Variants in IQGAP3 observed in about 807,000 individuals in gnomAD.
The protein encoded by IQGAP3 is ras GTPase-activating-like protein IQGAP3.
In IQGAP3, 165 loss-of-function variants were observed where a neutral mutation model predicts 208.2. The ratio of observed to expected loss-of-function variants is 0.79; its 90% CI spans 0.70 to 0.90. IQGAP3 has a LOEUF of 0.90. IQGAP3 is among the 40% of genes least tolerant of loss of function. IQGAP3 has a pLI of 0.00. For missense variants in IQGAP3, 1,811 were observed against 2,043.1 expected (o/e 0.89, Z 2.19); for synonymous variants, 703 against 803.6 (o/e 0.87, Z 2.12).
chr1:156,528,178 T>G, intron 36 of IQGAP3, 118 bp from the exon 37 acceptor site: 1 of 754,482 alleles, frequency 1.3e-6, no homozygotes. Context: ...CAGTTTTCCC[T>G]CTGTCACTCC....
rs748176668 is a variant in IQGAP3 at position 156,527,926 on chromosome 1, G to A, written c.4782+26C>T. On this transcript the variant is annotated intron_variant, in intron 37 of 37. Coordinates refer to ENST00000361170, the MANE Select transcript of IQGAP3 (RefSeq NM_178229.5). ...GCACCTAAAGCCCAGCAGATGTCCTGCAGGCTCATGGGACTGTCCCCTCAC... is the reference window on the plus strand; with the variant it reads ...GCACCTAAAGCCCAGCAGATGTCCTACAGGCTCATGGGACTGTCCCCTCAC... 3.3e-6 allele frequency: 5 copies of A among 1,514,160 alleles called. No homozygotes were observed. The South Asian group carries it at 4.5e-5, about 14-fold the overall frequency. 93.8% of individuals were successfully genotyped at this position (1,514,160 alleles called of 1,614,324 possible).
chr1:156,527,110 C>T (rs911930437), intron 37 of IQGAP3, among the ~76,000 whole-genome samples: 9 of 151,368 alleles, frequency 5.9e-5, no homozygotes, highest in Non-Finnish European at 1.2e-4. Context: ...GGATTACAGG[C>T]GTGAGCCACT....
At chr1:156,532,896 A>C in intron 32 of IQGAP3, 84 bp downstream of exon 32, 2 of 1,458,810 alleles carry the variant, frequency 1.4e-6, no homozygotes, top group Non-Finnish European at 1.9e-6. Flanking sequence ...AGAAGGTGGA[A>C]TGGGCGCCTC....
chr1:156,541,398 G>A (rs1011753341), intron 22 of IQGAP3, among the ~76,000 whole-genome samples: 6 of 152,080 alleles, frequency 3.9e-5, no homozygotes, highest in Non-Finnish European at 7.3e-5. Context: ...CAGGTAGACG[G>A]GATGGACAGT....
chr1:156,547,944 T>A (rs1675341276), intron 19 of IQGAP3, 129 bp downstream of exon 19: 4 of 824,730 alleles, frequency 4.9e-6, no homozygotes, highest in African/African-American at 1.7e-5. Context: ...CTCCAGAACC[T>A]ATGCTTTTAA....
At chr1:156,565,064 C>T (rs1202365980) in intron 4 of IQGAP3, among the ~76,000 whole-genome samples, 1 of 152,188 alleles carries the variant, frequency 6.6e-6, no homozygotes, top group Non-Finnish European at 1.5e-5. Flanking sequence ...GCCTGCATGC[C>T]TCACCTTAGA....
At chr1:156,549,470 CA>C (rs11317404) in intron 16 of IQGAP3, among the ~76,000 whole-genome samples, 28,021 of 79,914 alleles carry the variant, frequency 0.35, 2,587 homozygotes, top group East Asian at 0.57. Flanking sequence ...CACTCTGTCT[CA>C]AAAAAAAAAA....
chr1:156,537,979 C>T (rs1674781624), intron 26 of IQGAP3, among the ~76,000 whole-genome samples: 3 of 151,574 alleles, frequency 2.0e-5, no homozygotes, highest in Admixed American at 2.0e-4. Context: ...CTCACCGCAA[C>T]CTCCCAGGTT....
intron 2 of IQGAP3, 57 bp downstream of exon 2, chr1:156,569,319 G>T: frequency 8.8e-7 from 1 of 1,135,190 alleles, no homozygotes; most frequent in Non-Finnish European, 1.3e-6. Context: ...CAGATGCCTA[G>T]GGTGGGGTGG....
chr1:156,555,268 C>T (rs993430067), intron 12 of IQGAP3, among the ~76,000 whole-genome samples: 3 of 152,112 alleles, frequency 2.0e-5, no homozygotes, highest in South Asian at 4.1e-4. Context: ...GATAGAGTCT[C>T]ACTCTGTGGC....
intron 1 of IQGAP3, among the ~76,000 whole-genome samples, chr1:156,570,320 C>T (rs543023520): frequency 2.6e-5 from 4 of 152,268 alleles, no homozygotes; most frequent in East Asian, 3.9e-4. Flanking sequence ...GTAGGTGGAT[C>T]GCTTGAGCCC....
chr1:156,548,630 G>C lies in IQGAP3; in HGVS notation c.1944C>G (p.Asn648Lys). The change falls in exon 17 of 38, where the codon AAC (asparagine) becomes AAG (lysine). Residue 648 changes from asparagine (N) to lysine (K), a missense_variant. Physicochemically the swap from Asn to Lys is moderately conservative, Grantham distance 94. Coordinates refer to ENST00000361170, the MANE Select transcript of IQGAP3 (RefSeq NM_178229.5). ...ALRGVVPDCA[N>K]GYQRALESAM... ...CACTTTCCAGGGCTCGCTGGTAGCCGTTGGCACAGTCGGGAACTACCCCTC... is the reference window on the plus strand; with the variant it reads ...CACTTTCCAGGGCTCGCTGGTAGCCCTTGGCACAGTCGGGAACTACCCCTC... 6.2e-7 allele frequency: 1 copy of C among 1,611,066 alleles called. No homozygotes were observed. The highest frequency in any genetic ancestry group is 8.5e-7 in the Non-Finnish European group (1 of 1,178,048).
rs149238952 is a variant in IQGAP3 at position 156,566,508 on chromosome 1, G to A, written c.164C>T (p.Pro55Leu). 275 of 1,614,052 alleles carry A rather than the reference G, an allele frequency of 1.7e-4. 1 individual carries two copies. The East Asian group carries it at 3.9e-3, about 23-fold the overall frequency. ...EACLKEELPS[P>L]VELEESLRNG... ...CCGAAGGCTCTCCTCCAGCTCCACCGGGGAAGGAAGCTCCTCCTTCAGGCA... is the reference window on the plus strand; with the variant it reads ...CCGAAGGCTCTCCTCCAGCTCCACCAGGGAAGGAAGCTCCTCCTTCAGGCA... Residue 55 changes from proline to leucine, a missense_variant, in exon 3 of 38, where the codon CCG (proline) becomes CTG (leucine). Transcript: ENST00000361170.
intron 37 of IQGAP3, 36 bp from the exon 38 acceptor site, chr1:156,526,635 C>G: frequency 7.0e-7 from 1 of 1,432,496 alleles, no homozygotes; most frequent in Non-Finnish European, 9.8e-7. Context: ...AGTTTAAGGG[C>G]TTCTGAATGT....
chr1:156,544,136 A>G lies in IQGAP3; in HGVS notation c.2460+16T>C, dbSNP rs774651405. On this transcript the variant is annotated intron_variant, in intron 21 of 37. Transcript: ENST00000361170. ...AAGGTTGGGTATGTGGGCAGGGGGA[A>G]CAAGGTGACACTCACATTCTTCTGG... 7 of 1,613,988 alleles carry G rather than the reference A, an allele frequency of 4.3e-6. No homozygotes were observed. Among genetic ancestry groups the G allele is most frequent in the Non-Finnish European group, 5.9e-6 (7 of 1,179,828 alleles).
At chr1:156,545,291 T>C (rs1279417905) in intron 19 of IQGAP3, among the ~76,000 whole-genome samples, 2 of 152,144 alleles carry the variant, frequency 1.3e-5, no homozygotes, top group Non-Finnish European at 2.9e-5. Context: ...TTAATTTTCC[T>C]AAAGTACCTC....
chr1:156,531,273 G>C, intron 32 of IQGAP3, 26 bp from the exon 33 acceptor site: 1 of 1,583,398 alleles, frequency 6.3e-7, no homozygotes, highest in East Asian at 2.2e-5. Context: ...AGTGACAGAG[G>C]AGAGGTAAGG....
At chr1:156,542,889 C>G (rs372474408) in intron 22 of IQGAP3, among the ~76,000 whole-genome samples, 9 of 151,944 alleles carry the variant, frequency 5.9e-5, no homozygotes, top group African/African-American at 2.2e-4. Context: ...TGCAGTGAGC[C>G]GTGATCATGC....
At chr1:156,546,624 T>C (rs1315427177) in intron 19 of IQGAP3, among the ~76,000 whole-genome samples, 1 of 152,186 alleles carries the variant, frequency 6.6e-6, no homozygotes, top group Non-Finnish European at 1.5e-5. Context: ...ACATGTAATT[T>C]TCCTACTGAA....
Sources: allele counts gnomAD v4.1 joint callset (sites outside exome capture counted in the v4.1 genomes callset), GRCh38; gene constraint gnomAD v4.1.1; transcripts MANE v1.5; gene names NCBI Gene and HGNC (gene_info 2026-07-23, HGNC 2026-07-21).